Variants in GABRG3 observed in about 807,000 individuals in gnomAD.
GABRG3 encodes gamma-aminobutyric acid receptor subunit gamma-3.
In GABRG3, 25 loss-of-function variants were observed where a neutral mutation model predicts 48.8. The ratio of observed to expected loss-of-function variants is 0.51; its 90% CI spans 0.37 to 0.72. The LOEUF is 0.72. Among genes scored for constraint, GABRG3 ranks in the 30% least tolerant of loss-of-function variants. The pLI is 0.00. For synonymous variants in GABRG3, 227 were observed against 217.6 expected, an observed-to-expected ratio of 1.04 and a Z score of -0.38; for missense variants, 394 against 577.9, an observed-to-expected ratio of 0.68 and a Z score of 3.26.
At chr15:27,474,862 T>G (rs578016285) in intron 5 of GABRG3, among the ~76,000 whole-genome samples, 132 of 152,280 alleles carry the variant, frequency 8.7e-4, no homozygotes, top group African/African-American at 3.0e-3. Flanking sequence ...CTGGGTGCAG[T>G]GGTTCACGCC....
At chr15:27,035,991 C>T (rs2140691989) in intron 3 of GABRG3, among the ~76,000 whole-genome samples, 1 of 152,286 alleles carries the variant, frequency 6.6e-6, no homozygotes, top group African/African-American at 2.4e-5. Flanking sequence ...GACTCACATC[C>T]TAACAGCATT....
chr15:27,356,991 G>A (rs112872047), intron 5 of GABRG3, among the ~76,000 whole-genome samples: 39 of 152,128 alleles, frequency 2.6e-4, no homozygotes, highest in African/African-American at 9.2e-4. Flanking sequence ...AACCTTTTTT[G>A]TATATTTGGA....
At chr15:27,474,869 C>T (rs777375445) in intron 5 of GABRG3, among the ~76,000 whole-genome samples, 14 of 152,092 alleles carry the variant, frequency 9.2e-5, no homozygotes, top group Non-Finnish European at 1.6e-4. Context: ...CAGTGGTTCA[C>T]GCCTGTAATC....
intron 3 of GABRG3, among the ~76,000 whole-genome samples, chr15:27,189,895 G>A (rs12901041): frequency 0.25 from 37,709 of 151,796 alleles, 5,296 homozygotes; most frequent in South Asian, 0.44. Context: ...TTTGAGATAC[G>A]TCCCATCAAT....
chr15:27,023,329 G>A (rs923425263), intron 2 of GABRG3, among the ~76,000 whole-genome samples: 3 of 152,076 alleles, frequency 2.0e-5, no homozygotes, highest in Non-Finnish European at 4.4e-5. Context: ...CATGAAATTT[G>A]CCATCTTAAC....
At chr15:27,235,098 T>C (rs540454557) in intron 3 of GABRG3, among the ~76,000 whole-genome samples, 81 of 152,320 alleles carry the variant, frequency 5.3e-4, no homozygotes, top group South Asian at 1.0e-3. Flanking sequence ...TAGTTGTAAC[T>C]CAAAGAGGCT....
chr15:27,139,607 C>T (rs541599922), intron 3 of GABRG3, among the ~76,000 whole-genome samples: 30 of 151,398 alleles, frequency 2.0e-4, no homozygotes, highest in African/African-American at 2.7e-4. Context: ...CTTACTTTTT[C>T]TGAAATTTTT....
chr15:27,076,318 CTTTTTTTT>C (rs1230817571), intron 3 of GABRG3, among the ~76,000 whole-genome samples: 3 of 106,474 alleles, frequency 2.8e-5, no homozygotes, highest in African/African-American at 1.1e-4. Flanking sequence ...AGCCAACTGT[CTTTTTTTT>C]TTTTTTTTTT....
intron 3 of GABRG3, among the ~76,000 whole-genome samples, chr15:27,208,956 AAG>A (rs1491305697): frequency 1.3e-5 from 2 of 152,164 alleles, no homozygotes; most frequent in African/African-American, 4.8e-5. Flanking sequence ...CTGAAGAAAA[AAG>A]AGAGCAAGAA....
chr15:27,328,683 A>G, intron 4 of GABRG3, 123 bp from the exon 5 acceptor site: 1 of 698,888 alleles, frequency 1.4e-6, no homozygotes, highest in South Asian at 1.7e-5. Context: ...GCCAAGAGTG[A>G]GCCGCACATG....
intron 5 of GABRG3, among the ~76,000 whole-genome samples, chr15:27,445,274 C>T (rs1888910965): frequency 6.6e-6 from 1 of 152,194 alleles, no homozygotes; most frequent in African/African-American, 2.4e-5. Context: ...GAGGAACTGC[C>T]AGACTGTCTT....
chr15:27,312,910 C>T (rs1009073476), intron 3 of GABRG3, among the ~76,000 whole-genome samples: 1 of 150,906 alleles, frequency 6.6e-6, no homozygotes, highest in Admixed American at 6.6e-5. Context: ...ACTTTTAATT[C>T]TAGTCTAAAA....
chr15:27,517,910 G>C (rs1027827931), intron 6 of GABRG3, among the ~76,000 whole-genome samples: 3 of 151,834 alleles, frequency 2.0e-5, no homozygotes, highest in Non-Finnish European at 4.4e-5. Flanking sequence ...AATGTTTCTT[G>C]GTAAATGATA....
rs1555376776 is a variant in GABRG3 at position 27,388,306 on chromosome 15, A to AAGGGAGG, written c.574+59419_574+59425dup. 1.2e-3 allele frequency among the ~76,000 whole-genome samples: 36 copies of AAGGGAGG among 30,750 alleles called. 5 individuals carry two copies. Among genetic ancestry groups the AAGGGAGG allele is most frequent in the African/African-American group, 3.1e-3 (21 of 6,862 alleles). The allele number at this position is 30,750 out of a possible 152,430, so 20.2% of individuals were successfully genotyped here. A position where few individuals can be genotyped will look rare whatever the true frequency, so the allele number is the denominator to read the frequency against. ...AAGGAAGGAAGAAAAGAAGGAAGGA[A>AAGGGAGG]AGGGAGGGAGGGAAAAGAAGGAAGG... On this transcript the variant is annotated intron_variant, in intron 5 of 9. Coordinates refer to ENST00000615808, the MANE Select transcript of GABRG3 (RefSeq NM_033223.5).
chr15:27,247,379 A>G (rs1468686272), intron 3 of GABRG3, among the ~76,000 whole-genome samples: 2 of 151,596 alleles, frequency 1.3e-5, no homozygotes, highest in Non-Finnish European at 2.9e-5. Context: ...GCTTGACCAC[A>G]TTTTCTCTCC....
intron 5 of GABRG3, among the ~76,000 whole-genome samples, chr15:27,403,743 T>C (rs1229160968): frequency 6.7e-6 from 1 of 149,696 alleles, no homozygotes; most frequent in East Asian, 2.0e-4. Flanking sequence ...TGAAACCCCG[T>C]CTCTACTAAA....
intron 3 of GABRG3, among the ~76,000 whole-genome samples, chr15:27,204,221 T>C (rs1888783026): frequency 6.6e-6 from 1 of 152,178 alleles, no homozygotes; most frequent in South Asian, 2.1e-4. Context: ...AGTTGATTTT[T>C]GTATGTGGTG....
chr15:27,425,475 G>A (rs887502692), intron 5 of GABRG3, among the ~76,000 whole-genome samples: 3 of 150,708 alleles, frequency 2.0e-5, no homozygotes, highest in East Asian at 3.9e-4. Flanking sequence ...AATAGGCGTG[G>A]TGGTGGGCGC....
intron 5 of GABRG3, among the ~76,000 whole-genome samples, chr15:27,376,540 C>T (rs1464698646): frequency 1.3e-5 from 2 of 152,202 alleles, no homozygotes; most frequent in Non-Finnish European, 1.5e-5. Context: ...GGTTCCTAAA[C>T]CTCAGTTCTT....
Sources: gnomAD v4.1 joint callset for allele counts (sites outside exome capture counted in the v4.1 genomes callset) on GRCh38, gnomAD v4.1.1 for gene constraint, MANE v1.5 for transcripts, NCBI Gene and HGNC (gene_info 2026-07-23, HGNC 2026-07-21) for gene names.